The following CHRM3 variants were observed in gnomAD, a reference collection of about 807,000 sequenced individuals.
CHRM3 encodes the protein muscarinic acetylcholine receptor M3.
CHRM3 carries 11 observed loss-of-function variants against 41.8 expected under a neutral mutation model. That is an observed-to-expected ratio of 0.26 (90% CI 0.17 to 0.44). The LOEUF is 0.44. Among genes scored for constraint, CHRM3 ranks in the 20% least tolerant of loss-of-function variants. The probability of loss-of-function intolerance (pLI) is 1.00; values close to 1 mark genes in which losing one functional copy is unlikely to be tolerated. For missense variants in CHRM3, 571 were observed against 745.4 expected, an observed-to-expected ratio of 0.77 and a Z score of 2.72; for synonymous variants, 297 against 301.4, an observed-to-expected ratio of 0.99 and a Z score of 0.15.
intron 5 of CHRM3, among the ~76,000 whole-genome samples, chr1:239,759,810 AT>A (rs1340557223): frequency 6.6e-6 from 1 of 152,144 alleles, no homozygotes; most frequent in Non-Finnish European, 1.5e-5. Context: ...TAAGGTCATT[AT>A]TTTTTACAGC....
chr1:239,482,902 A>G (rs772880382), intron 1 of CHRM3, among the ~76,000 whole-genome samples: 1 of 152,206 alleles, frequency 6.6e-6, no homozygotes, highest in Non-Finnish European at 1.5e-5. Context: ...AAATTTTGAT[A>G]TGCCTTTAAT....
At chr1:239,580,258 TCACACACACACACACACACACACACACA>T (rs374479816) in intron 3 of CHRM3, among the ~76,000 whole-genome samples, 2 of 132,662 alleles carry the variant, frequency 1.5e-5, no homozygotes, top group African/African-American at 2.8e-5. Flanking sequence ...ATACACACTG[TCACACACACACACACACACACACACACA>T]CACACACACA....
chr1:239,779,452 G>A (rs1668347580), intron 5 of CHRM3, among the ~76,000 whole-genome samples: 1 of 152,226 alleles, frequency 6.6e-6, no homozygotes. Flanking sequence ...GTTTCACCTA[G>A]GCCAAGTGTG....
intron 2 of CHRM3, among the ~76,000 whole-genome samples, chr1:239,527,552 C>G (rs1670077155): frequency 6.6e-6 from 1 of 152,130 alleles, no homozygotes; most frequent in South Asian, 2.1e-4. Context: ...GATTTTTGCT[C>G]TCTCCTTCAA....
chr1:239,500,756 A>G (rs1668187673), intron 2 of CHRM3, among the ~76,000 whole-genome samples: 1 of 152,204 alleles, frequency 6.6e-6, no homozygotes, highest in African/African-American at 2.4e-5. Context: ...AAAAAGCATG[A>G]CGAATGCAAC....
intron 1 of CHRM3, among the ~76,000 whole-genome samples, chr1:239,487,800 A>T (rs1558260185): frequency 6.6e-6 from 1 of 151,654 alleles, no homozygotes; most frequent in African/African-American, 2.4e-5. Context: ...ATAGAAAAAA[A>T]GCTGTGCTAC....
chr1:239,694,130 C>T (rs1220966364), intron 5 of CHRM3, among the ~76,000 whole-genome samples: 1 of 152,056 alleles, frequency 6.6e-6, no homozygotes, highest in Non-Finnish European at 1.5e-5. Context: ...AATAAGCACT[C>T]CAAAATATAT....
At chr1:239,741,687 G>GA (rs5782097) in intron 5 of CHRM3, among the ~76,000 whole-genome samples, 64,969 of 151,548 alleles carry the variant, frequency 0.43, 14,216 homozygotes, top group Admixed American at 0.52. Flanking sequence ...AAAGCCTTTT[G>GA]TTTTTTTTAT....
chr1:239,883,569 C>G (rs368663098), intron 6 of CHRM3, among the ~76,000 whole-genome samples: 1 of 152,306 alleles, frequency 6.6e-6, no homozygotes, highest in South Asian at 2.1e-4. Context: ...CAACCCCACA[C>G]TTAGGTACTC....
chr1:239,854,846 T>A (rs1296816879), intron 6 of CHRM3, among the ~76,000 whole-genome samples: 1 of 152,106 alleles, frequency 6.6e-6, no homozygotes, highest in Non-Finnish European at 1.5e-5. Flanking sequence ...ACTGAAAAAA[T>A]TCAAAAGAAT....
At chr1:239,664,068 G>C (rs1017877811) in intron 4 of CHRM3, among the ~76,000 whole-genome samples, 1 of 152,058 alleles carries the variant, frequency 6.6e-6, no homozygotes, top group Non-Finnish European at 1.5e-5. Flanking sequence ...TCTGGTTTTC[G>C]TGAAGAATTA....
intron 1 of CHRM3, among the ~76,000 whole-genome samples, chr1:239,397,462 G>A (rs1368140729): frequency 6.6e-6 from 1 of 151,890 alleles, no homozygotes; most frequent in Non-Finnish European, 1.5e-5. Context: ...CAGGAGGTCA[G>A]GAGATTGAGA....
intron 5 of CHRM3, among the ~76,000 whole-genome samples, chr1:239,750,113 A>T (rs1665686363): frequency 6.6e-6 from 1 of 152,074 alleles, no homozygotes; most frequent in African/African-American, 2.4e-5. Flanking sequence ...TCTTCTGAAC[A>T]CCCCCTTTCA....
intron 1 of CHRM3, among the ~76,000 whole-genome samples, chr1:239,419,362 CTTT>C (rs55633677): frequency 0.17 from 22,896 of 136,514 alleles, 1,932 homozygotes; most frequent in South Asian, 0.26. Context: ...CCGACCCAGC[CTTT>C]TTTTTTTTTT....
chr1:239,615,171 T>C (rs773030128), intron 3 of CHRM3, among the ~76,000 whole-genome samples: 2 of 152,196 alleles, frequency 1.3e-5, no homozygotes, highest in Non-Finnish European at 2.9e-5. Flanking sequence ...TAACTTCTGG[T>C]TCCTGGACAC....
At chr1:239,897,214 TGAGTTGGGGCGTGCAAATAG>T (rs1679085250) in intron 6 of CHRM3, among the ~76,000 whole-genome samples, 1 of 152,094 alleles carries the variant, frequency 6.6e-6, no homozygotes, top group African/African-American at 2.4e-5. Flanking sequence ...TCTGCGTGCA[TGAGTTGGGGCGTGCAAATAG>T]GCTGAAGTCT....
intron 3 of CHRM3, among the ~76,000 whole-genome samples, chr1:239,609,332 A>G (rs1572907417): frequency 6.6e-6 from 1 of 152,144 alleles, no homozygotes; most frequent in African/African-American, 2.4e-5. Context: ...CCAATAGTTT[A>G]TTTCCTTTTC....
In CHRM3 at chr1:239,907,359, A is replaced by G. The variant is rs1680050263; in HGVS notation, c.-19-74A>G. Reference sequence around the variant, plus strand: ...TGTAATAGGCCTTCCATGTCTTTTAACGTATGTAATGCAAAGAACAAACAA... The same window carrying G: ...TGTAATAGGCCTTCCATGTCTTTTAGCGTATGTAATGCAAAGAACAAACAA... On this transcript the variant is annotated intron_variant, in intron 6 of 6. Coordinates refer to ENST00000676153, the MANE Select transcript of CHRM3 (RefSeq NM_001375978.1). This position sits in a 1 kb window ranked among gnomAD's most constrained non-coding sequence, Gnocchi z 5.4. 8.8e-7 allele frequency: 1 copy of G among 1,140,068 alleles called. No individual in the cohort carries two copies. Among genetic ancestry groups the G allele is most frequent in the Non-Finnish European group, 1.3e-6 (1 of 791,108 alleles). 70.6% of individuals were successfully genotyped at this position (1,140,068 alleles called of 1,614,324 possible).
chr1:239,470,943 G>T (rs1459997084), intron 1 of CHRM3, among the ~76,000 whole-genome samples: 1 of 152,066 alleles, frequency 6.6e-6, no homozygotes, highest in Non-Finnish European at 1.5e-5. Flanking sequence ...TTATAAAGAG[G>T]CTTTAATTTT....
Sources: gnomAD v4.1 joint callset for allele counts (sites outside exome capture counted in the v4.1 genomes callset) on GRCh38, gnomAD v4.1.1 for gene constraint, Gnocchi (gnomAD v3.1) non-coding constraint, MANE v1.5 for transcripts, NCBI Gene and HGNC (gene_info 2026-07-23, HGNC 2026-07-21) for gene names.